The following CSMD3 variants were observed in gnomAD, a reference collection of about 807,000 sequenced individuals.
CSMD3 encodes the protein CUB and Sushi multiple domains 3.
CSMD3 carries 177 observed loss-of-function variants against 435.2 expected under a neutral mutation model. That is an observed-to-expected ratio of 0.41 (90% CI 0.36 to 0.46). The LOEUF (loss-of-function observed/expected upper bound fraction) is 0.46. Among genes scored for constraint, CSMD3 ranks in the 20% least tolerant of loss-of-function variants. The pLI, the probability that CSMD3 is intolerant of heterozygous loss-of-function variation, is 0.34. For synonymous variants in CSMD3, 1,656 were observed against 1,520.5 expected (o/e 1.09, Z -2.07); for missense variants, 4,265 against 4,504.6 (o/e 0.95, Z 1.52).
In CSMD3 at chr8:112,762,472, T is replaced by A. The variant is rs552255949; in HGVS notation, c.1972+37690A>T. Reference sequence around the variant, plus strand: ...CTAGGCAACAGATATTTAGTAGACCTCTTTACCTGACTTCTATTTAATTAA... The same window carrying A: ...CTAGGCAACAGATATTTAGTAGACCACTTTACCTGACTTCTATTTAATTAA... On this transcript the variant is annotated intron_variant, in intron 13 of 70. Coordinates refer to ENST00000297405, the MANE Select transcript of CSMD3 (RefSeq NM_198123.2). Among the ~76,000 whole-genome samples the A allele has an allele frequency of 1.6e-4, 25 of 152,100 alleles. No individual in the cohort carries two copies. In the South Asian group the frequency reaches 4.8e-3, roughly 29 times the overall value.
intron 1 of CSMD3, among the ~76,000 whole-genome samples, chr8:113,413,620 T>G (rs552824007): frequency 6.6e-6 from 1 of 152,148 alleles, no homozygotes; most frequent in Admixed American, 6.6e-5. Flanking sequence ...ATAAATTAAA[T>G]AATACTATAC....
At chr8:113,357,482 T>C (rs569286666) in intron 1 of CSMD3, among the ~76,000 whole-genome samples, 1 of 152,332 alleles carries the variant, frequency 6.6e-6, no homozygotes, top group South Asian at 2.1e-4. Flanking sequence ...TTTAATTGTG[T>C]TTAATTTAAA....
At chr8:113,119,252 T>C (rs539296017) in intron 4 of CSMD3, among the ~76,000 whole-genome samples, 1 of 152,332 alleles carries the variant, frequency 6.6e-6, no homozygotes, top group Non-Finnish European at 1.5e-5. Context: ...ATGGCTAATA[T>C]GTATTGTGTA....
intron 16 of CSMD3, among the ~76,000 whole-genome samples, chr8:112,677,112 G>T (rs1200206700): frequency 6.6e-6 from 1 of 152,082 alleles, no homozygotes; most frequent in Non-Finnish European, 1.5e-5. Flanking sequence ...CCTGGGTGCA[G>T]AGTACAGTGG....
At chr8:113,022,281 T>A (rs2131188486) in intron 5 of CSMD3, among the ~76,000 whole-genome samples, 1 of 152,232 alleles carries the variant, frequency 6.6e-6, no homozygotes, top group Non-Finnish European at 1.5e-5. Context: ...ATCACTGTGG[T>A]CATTTAAGAG....
At chr8:112,297,933 C>A (rs1163901361) in intron 53 of CSMD3, among the ~76,000 whole-genome samples, 1 of 151,614 alleles carries the variant, frequency 6.6e-6, no homozygotes, top group Non-Finnish European at 1.5e-5. Flanking sequence ...CCAGCCTGGG[C>A]AACATAGCAA....
In CSMD3 at chr8:113,436,147, T is replaced by C. The variant is rs140391144; in HGVS notation, c.178+530A>G. ...TTTAACATTGCATAGAAGCCCAATT[T>C]ACATACATATGCATGCAGACATTCA... On this transcript the variant is annotated intron_variant, in intron 1 of 70. Coordinates refer to ENST00000297405, the MANE Select transcript of CSMD3 (RefSeq NM_198123.2). Among the ~76,000 whole-genome samples, 15 of 152,286 alleles carry C rather than the reference T, an allele frequency of 9.8e-5. No individual in the cohort carries two copies. In the East Asian group the frequency reaches 2.9e-3, roughly 29 times the overall value.
intron 22 of CSMD3, among the ~76,000 whole-genome samples, chr8:112,627,084 A>G (rs1228706815): frequency 6.6e-6 from 1 of 152,156 alleles, no homozygotes; most frequent in Non-Finnish European, 1.5e-5. Flanking sequence ...TATACTAGGG[A>G]CAAGTAACCT....
intron 10 of CSMD3, among the ~76,000 whole-genome samples, chr8:112,878,754 T>C (rs2081363540): frequency 1.3e-5 from 2 of 152,162 alleles, no homozygotes; most frequent in Admixed American, 6.6e-5. Context: ...AATGAGTTCA[T>C]GTCCTTTGCT....
chr8:112,947,870 C>T lies in CSMD3; in HGVS notation c.1428G>A (p.Glu476=), dbSNP rs2083670342. 2.8e-6 allele frequency: 4 copies of T among 1,428,866 alleles called. No homozygotes were observed. Among genetic ancestry groups the T allele is most frequent in the East Asian group, 2.3e-5 (1 of 43,758 alleles). The allele number at this position is 1,428,866 out of a possible 1,614,324, so 88.5% of individuals were successfully genotyped here. ...DNSNKFSILN[E]GGIKTASNLC... ...AATTGGAAGCTGTTTTAATACCTCC[C>T]TCATTTACTGCAACAGCAGGGAAAA... The change falls in exon 9 of 71, where the codon GAG becomes GAA. Residue 476 remains glutamate, a synonymous_variant. Transcript: ENST00000297405.
intron 37 of CSMD3, among the ~76,000 whole-genome samples, chr8:112,380,962 C>A (rs963826686): frequency 6.6e-6 from 1 of 152,096 alleles, no homozygotes; most frequent in African/African-American, 2.4e-5. Context: ...AAAGTGATAA[C>A]CAGTTTTAAC....
chr8:112,248,501 G>T (rs113637931), intron 63 of CSMD3, among the ~76,000 whole-genome samples: 3 of 152,220 alleles, frequency 2.0e-5, no homozygotes, highest in African/African-American at 7.2e-5. Flanking sequence ...ATGATTAGAG[G>T]TGGAGGATGA....
chr8:112,949,134 ACTGCTGAAT>A (rs543029804), intron 8 of CSMD3, among the ~76,000 whole-genome samples: 9 of 152,006 alleles, frequency 5.9e-5, no homozygotes, highest in Non-Finnish European at 1.0e-4. Flanking sequence ...GAACCACTGG[ACTGCTGAAT>A]ATAGTAATTT....
At chr8:113,434,898 T>C (rs969415512) in intron 1 of CSMD3, among the ~76,000 whole-genome samples, 4 of 152,112 alleles carry the variant, frequency 2.6e-5, no homozygotes, top group East Asian at 1.9e-4. Context: ...TGCCCCCGAA[T>C]GTGTTTTGGC....
At chr8:112,699,734 T>G (rs2076346130) in intron 13 of CSMD3, among the ~76,000 whole-genome samples, 1 of 152,214 alleles carries the variant, frequency 6.6e-6, no homozygotes, top group Non-Finnish European at 1.5e-5. Flanking sequence ...GTGATACATC[T>G]GTCAAGAATG....
intron 32 of CSMD3, among the ~76,000 whole-genome samples, chr8:112,465,349 A>G (rs1817848825): frequency 6.6e-6 from 1 of 152,188 alleles, no homozygotes; most frequent in South Asian, 2.1e-4. Flanking sequence ...TGTTCTGTTT[A>G]GTGCCTGTTT....
intron 13 of CSMD3, among the ~76,000 whole-genome samples, chr8:112,763,510 T>C (rs975154129): frequency 8.0e-5 from 12 of 149,806 alleles, no homozygotes; most frequent in Non-Finnish European, 1.5e-5. Flanking sequence ...ATTTGAACAT[T>C]TGAACATTGA....
chr8:112,622,642 T>A (rs1367663896), intron 22 of CSMD3, among the ~76,000 whole-genome samples: 1 of 152,156 alleles, frequency 6.6e-6, no homozygotes, highest in Non-Finnish European at 1.5e-5. Context: ...TTAAGTTCAT[T>A]CATGCTGAAT....
intron 4 of CSMD3, among the ~76,000 whole-genome samples, chr8:113,136,226 CAAGT>C (rs1400825908): frequency 1.3e-5 from 2 of 151,556 alleles, no homozygotes; most frequent in African/African-American, 4.8e-5. Flanking sequence ...CCATCGCAGA[CAAGT>C]AAGTATTTGA....
Sources: allele counts gnomAD v4.1 joint callset (sites outside exome capture counted in the v4.1 genomes callset), GRCh38; gene constraint gnomAD v4.1.1; transcripts MANE v1.5; gene names NCBI Gene and HGNC (gene_info 2026-07-23, HGNC 2026-07-21).